SLC9A9: variants seen among roughly 807,000 people sequenced by gnomAD.
SLC9A9 encodes the protein solute carrier family 9 member A9, also known as sodium/hydrogen exchanger 9.
In SLC9A9, 62 loss-of-function variants were observed where a neutral mutation model predicts 77.8. That is an observed-to-expected ratio of 0.80 (90% confidence interval 0.65 to 0.98). The LOEUF (loss-of-function observed/expected upper bound fraction) is 0.98. Ranked by LOEUF, SLC9A9 falls within the 50% of genes least tolerant of loss-of-function variation. The pLI is 0.00. For missense variants in SLC9A9, 775 were observed against 774.9 expected, an observed-to-expected ratio of 1.00 and a Z score of 0.00; for synonymous variants, 320 against 283.5, an observed-to-expected ratio of 1.13 and a Z score of -1.29.
intron 11 of SLC9A9, among the ~76,000 whole-genome samples, chr3:143,476,809 G>A (rs1420435104): frequency 6.6e-6 from 1 of 152,160 alleles, no homozygotes; most frequent in Non-Finnish European, 1.5e-5. Flanking sequence ...AAAGTAGGAG[G>A]GAGGAGTGGG....
intron 12 of SLC9A9, among the ~76,000 whole-genome samples, chr3:143,387,930 A>G (rs2033465526): frequency 6.6e-5 from 10 of 152,170 alleles, no homozygotes; most frequent in Admixed American, 6.5e-4. Context: ...AAATACTACT[A>G]GGGCTTAGTT....
rs1937705419 is a variant in SLC9A9, at chr3:143,266,122, C to T, written c.*580G>A. 8 of 702,174 alleles carry T rather than the reference C, an allele frequency of 1.1e-5. No homozygotes were observed. The highest frequency in any genetic ancestry group is 7.0e-5 in the African/African-American group (4 of 57,350). The allele number at this position is 702,174 out of a possible 1,614,324, so 43.5% of individuals were successfully genotyped here. A position where few individuals can be genotyped will look rare whatever the true frequency, so the allele number is the denominator to read the frequency against. On this transcript the variant is annotated 3_prime_UTR_variant, in exon 16 of 16. Coordinates refer to ENST00000316549, the MANE Select transcript of SLC9A9 (RefSeq NM_173653.4). The stretch of plus-strand genomic sequence containing the variant: ...AGGATGCCAAGAAGAACAATAGGTT[C>T]TTCAACTCAGTGTGGGCTCTGGGAA...
At chr3:143,295,929 GC>G (rs978305519) in intron 14 of SLC9A9, among the ~76,000 whole-genome samples, 16 of 136,764 alleles carry the variant, frequency 1.2e-4, no homozygotes, top group Admixed American at 4.4e-4. Context: ...AGAAATGAGG[GC>G]CCCCATACTT....
chr3:143,426,210 T>C (rs1400194246), intron 12 of SLC9A9, among the ~76,000 whole-genome samples: 1 of 152,224 alleles, frequency 6.6e-6, no homozygotes, highest in African/African-American at 2.4e-5. Context: ...TTGCTTCTTT[T>C]ATTATAATTA....
intron 5 of SLC9A9, 113 bp downstream of exon 5, chr3:143,693,079 T>C (rs1933524445): frequency 3.8e-6 from 3 of 788,126 alleles, no homozygotes; most frequent in Non-Finnish European, 6.3e-6. Context: ...CAACTGCAGG[T>C]GAAGAAAAAT....
At chr3:143,666,825 T>C (rs1462364864) in intron 5 of SLC9A9, among the ~76,000 whole-genome samples, 1 of 151,974 alleles carries the variant, frequency 6.6e-6, no homozygotes, top group East Asian at 1.9e-4. Context: ...CTCAACAAAA[T>C]AAAAGAGGAC....
At chr3:143,609,572 T>C (rs1357041889) in intron 6 of SLC9A9, among the ~76,000 whole-genome samples, 1 of 152,168 alleles carries the variant, frequency 6.6e-6, no homozygotes, top group Non-Finnish European at 1.5e-5. Context: ...AAGTGAAAAG[T>C]GGAAGACTTT....
chr3:143,405,177 CT>C (rs368662242), intron 12 of SLC9A9, among the ~76,000 whole-genome samples: 1 of 152,134 alleles, frequency 6.6e-6, no homozygotes, highest in African/African-American at 2.4e-5. Context: ...GCTGGTCTGC[CT>C]TTTTGTTTGT....
At position 143,479,145 on chromosome 3, in the gene SLC9A9, T is replaced by C. The variant is rs768226201; in HGVS notation, c.1316-11955A>G. 6.0e-4 allele frequency among the ~76,000 whole-genome samples: 92 copies of C among 152,334 alleles called. 1 individual carries two copies. The highest frequency in any genetic ancestry group is 9.7e-4 in the Non-Finnish European group (66 of 68,030). On this transcript the variant is annotated intron_variant, in intron 11 of 15. Transcript: ENST00000316549. ...TCGCTAGTGTTTCACACTCAATAAA[T>C]GTCTAAGCAGATTGTGACAATTTAT... is the stretch of plus-strand genomic sequence containing the variant.
intron 2 of SLC9A9, among the ~76,000 whole-genome samples, chr3:143,802,367 C>G (rs2008586926): frequency 6.6e-6 from 1 of 152,164 alleles, no homozygotes; most frequent in African/African-American, 2.4e-5. Context: ...ATTCTACTAC[C>G]CCTCAGGGAT....
chr3:143,721,195 A>C (rs570480411), intron 4 of SLC9A9, among the ~76,000 whole-genome samples: 2 of 152,032 alleles, frequency 1.3e-5, no homozygotes, highest in East Asian at 3.9e-4. Flanking sequence ...CTTCCCCCAC[A>C]CCCCCAAAAA....
rs373295767 is a variant in SLC9A9, at chr3:143,367,837, G to A, written c.1525-4274C>T. On this transcript the variant is annotated intron_variant, in intron 13 of 15. Coordinates refer to ENST00000316549, the MANE Select transcript of SLC9A9 (RefSeq NM_173653.4). The stretch of plus-strand genomic sequence containing the variant: ...TCATTAGCAATATTTCTTCTCTTTC[G>A]AGGATCTTTATTCCAGAGGGGATGT... 2.8e-4 allele frequency among the ~76,000 whole-genome samples: 42 copies of A among 152,232 alleles called. No homozygotes were observed. In the East Asian group the frequency reaches 6.2e-3, roughly 22 times the overall value.
chr3:143,767,875 A>T (rs1040535903), intron 4 of SLC9A9, among the ~76,000 whole-genome samples: 5 of 152,230 alleles, frequency 3.3e-5, no homozygotes, highest in African/African-American at 1.2e-4. Context: ...TTAACTATAC[A>T]GGTAGTAATT....
At chr3:143,459,933 C>G (rs838612) in intron 12 of SLC9A9, among the ~76,000 whole-genome samples, 105,463 of 151,930 alleles carry the variant, frequency 0.69, 37,156 homozygotes, top group African/African-American at 0.8. Flanking sequence ...GATATTTTAG[C>G]TGCCTTTGTA....
intron 2 of SLC9A9, among the ~76,000 whole-genome samples, chr3:143,799,835 G>A (rs372302852): frequency 5.1e-4 from 77 of 152,234 alleles, no homozygotes; most frequent in African/African-American, 1.8e-3. Flanking sequence ...CACAGTGGAG[G>A]GTAAGTCTGT....
chr3:143,341,038 T>C (rs61390938), intron 14 of SLC9A9, among the ~76,000 whole-genome samples: 5,282 of 152,322 alleles, frequency 0.035, 147 homozygotes, highest in African/African-American at 0.079. Context: ...AAGAAATCTT[T>C]AAAATTTTTA....
chr3:143,309,636 A>C (rs757134247), intron 14 of SLC9A9, among the ~76,000 whole-genome samples: 1 of 152,138 alleles, frequency 6.6e-6, no homozygotes, highest in Non-Finnish European at 1.5e-5. Flanking sequence ...GAATTCGCAG[A>C]TGTTCCTTTA....
intron 4 of SLC9A9, among the ~76,000 whole-genome samples, chr3:143,784,261 C>A (rs1283678208): frequency 6.6e-6 from 1 of 152,178 alleles, no homozygotes; most frequent in Non-Finnish European, 1.5e-5. Flanking sequence ...CATCCTATCT[C>A]CCTTTCTTGT....
chr3:143,652,506 AT>A (rs1455263212), intron 5 of SLC9A9, 146 bp from the exon 6 acceptor site: 1 of 705,466 alleles, frequency 1.4e-6, no homozygotes, highest in African/African-American at 1.8e-5. Context: ...TATTCAAAAA[AT>A]ATCTGATGCT....
Sources: allele counts gnomAD v4.1 joint callset (sites outside exome capture counted in the v4.1 genomes callset), GRCh38; gene constraint gnomAD v4.1.1; transcripts MANE v1.5; gene names NCBI Gene and HGNC (gene_info 2026-07-23, HGNC 2026-07-21).